CFAP47: variants seen among roughly 807,000 people sequenced by gnomAD.
The protein encoded by CFAP47 is cilia- and flagella-associated protein 47.
A neutral mutation model predicts 148.1 loss-of-function variants in CFAP47; 29 were observed. The ratio of observed to expected loss-of-function variants is 0.20; its 90% CI spans 0.15 to 0.27. The LOEUF (loss-of-function observed/expected upper bound fraction) is 0.27, where lower values mean the gene tolerates loss of function less well. Among genes scored for constraint, CFAP47 ranks in the 10% least tolerant of loss-of-function variants. The probability of loss-of-function intolerance (pLI) is 1.00; values close to 1 mark genes in which losing one functional copy is unlikely to be tolerated. For missense variants in CFAP47, 1,872 were observed against 1,697.5 expected (o/e 1.10, Z -1.81); for synonymous variants, 664 against 577.3 (o/e 1.15, Z -2.15).
chrX:35,947,476 A>G (rs993879918), intron 3 of CFAP47, among the ~76,000 whole-genome samples: 1 of 109,971 alleles, frequency 9.1e-6, no homozygotes, highest in African/African-American at 3.3e-5. Flanking sequence ...TTGGCTAATA[A>G]CATGTGGGTG....
At chrX:36,275,438 G>T (rs1327198761) in intron 49 of CFAP47, among the ~76,000 whole-genome samples, 2 of 109,284 alleles carry the variant, frequency 1.8e-5, no homozygotes, top group Non-Finnish European at 3.8e-5. Flanking sequence ...GTGTGTGTGT[G>T]TGTGTGTGTG....
chrX:36,077,293 T>C (rs1295606538), intron 29 of CFAP47, among the ~76,000 whole-genome samples: 2 of 102,730 alleles, frequency 1.9e-5, no homozygotes, highest in African/African-American at 7.0e-5. Flanking sequence ...TTTTTTTTTA[T>C]AATTCTTTGA....
At chrX:36,289,128 G>A (rs1941167043) in intron 51 of CFAP47, among the ~76,000 whole-genome samples, 1 of 106,569 alleles carries the variant, frequency 9.4e-6, no homozygotes, top group Non-Finnish European at 1.9e-5. Flanking sequence ...GGCCTCCTGA[G>A]TAGCTGGGAT....
chrX:36,243,647 G>GTATATATATATATA (rs58640112), intron 48 of CFAP47, among the ~76,000 whole-genome samples: 9 of 64,232 alleles, frequency 1.4e-4, no homozygotes, highest in Non-Finnish European at 3.1e-4. Context: ...ATATGTGTGT[G>GTATATATATATATA]TATATATATA....
At chrX:36,045,400 C>A (rs981198075) in intron 25 of CFAP47, among the ~76,000 whole-genome samples, 1 of 111,056 alleles carries the variant, frequency 9.0e-6, no homozygotes, top group African/African-American at 3.3e-5. Flanking sequence ...AAGTTTTGCC[C>A]CATAGCCACC....
chrX:35,947,227 T>C (rs1936096501), intron 3 of CFAP47, among the ~76,000 whole-genome samples: 1 of 110,489 alleles, frequency 9.1e-6, no homozygotes, highest in African/African-American at 3.3e-5. Context: ...ATTTTTTAAT[T>C]GGTCATGTGG....
At chrX:36,365,434 C>G (rs1301772632) in intron 61 of CFAP47, among the ~76,000 whole-genome samples, 1 of 110,324 alleles carries the variant, frequency 9.1e-6, no homozygotes, top group African/African-American at 3.3e-5. Context: ...GAGGAAAGTA[C>G]CAATAGTGGA....
At chrX:35,946,960 A>G (rs1160827687) in intron 3 of CFAP47, among the ~76,000 whole-genome samples, 1 of 111,770 alleles carries the variant, frequency 8.9e-6, no homozygotes, top group Admixed American at 9.5e-5. Context: ...ACCATAAATT[A>G]TGAACCATTT....
chrX:36,153,413 C>A, intron 37 of CFAP47, among the ~76,000 whole-genome samples: 1 of 112,260 alleles, frequency 8.9e-6, no homozygotes, highest in East Asian at 2.8e-4. Flanking sequence ...TGCCACAGCT[C>A]TGTGTCTGAG....
intron 33 of CFAP47, among the ~76,000 whole-genome samples, chrX:36,133,224 A>G (rs926145274): frequency 3.7e-4 from 41 of 111,384 alleles, no homozygotes; most frequent in African/African-American, 1.2e-3. Flanking sequence ...GCTCACAGAA[A>G]TGACTAAAGT....
At chrX:36,068,826 C>T (rs1294020452) in intron 27 of CFAP47, among the ~76,000 whole-genome samples, 3 of 108,570 alleles carry the variant, frequency 2.8e-5, no homozygotes, top group Non-Finnish European at 5.7e-5. Context: ...TATGGGGGCA[C>T]GTGCCTGTAA....
At chrX:36,112,313 A>G (rs1226540759) in intron 33 of CFAP47, among the ~76,000 whole-genome samples, 2 of 111,475 alleles carry the variant, frequency 1.8e-5, no homozygotes, top group Non-Finnish European at 3.8e-5. Flanking sequence ...CTTTTTTCTC[A>G]TTAGTTTCAA....
intron 33 of CFAP47, among the ~76,000 whole-genome samples, chrX:36,119,868 A>G (rs1938709347): frequency 9.0e-6 from 1 of 111,488 alleles, no homozygotes; most frequent in Non-Finnish European, 1.9e-5. Context: ...GTGTCTTCTA[A>G]TGATCTTTTG....
intron 22 of CFAP47, among the ~76,000 whole-genome samples, chrX:36,027,328 T>G (rs980897884): frequency 1.0e-4 from 11 of 109,010 alleles, no homozygotes; most frequent in Non-Finnish European, 1.9e-4. Flanking sequence ...TTTTCAACCC[T>G]CGCCATCTCA....
At position 36,285,678 on chromosome X, in the gene CFAP47, C is replaced by T. The variant is rs1167417030; in HGVS notation, c.7638C>T (p.Ser2546=). The change falls in exon 51 of 64, where the codon AGC becomes AGT. Residue 2546 remains serine (S), a synonymous_variant. Coordinates refer to ENST00000378653, the MANE Select transcript of CFAP47 (RefSeq NM_001304548.2). ...TCTGGTATAATCTTGAGATCCATAG[C>T]ACTCCTGGACCACCCATAGAGATTA... ...LRFWYNLEIH[S]TPGPPIEIME... The T allele has an allele frequency of 2.7e-6, 3 of 1,128,325 alleles. No individual in the cohort carries two copies. Among genetic ancestry groups the T allele is most frequent in the African/African-American group, 3.6e-5 (2 of 54,909 alleles). The allele number at this position is 1,128,325 out of a possible 1,213,427, so 93.0% of individuals were successfully genotyped here. A position where few individuals can be genotyped will look rare whatever the true frequency, so the allele number is the denominator to read the frequency against.
At chrX:36,361,546 T>G in intron 61 of CFAP47, 45 bp downstream of exon 61, 1 of 550,059 alleles carries the variant, frequency 1.8e-6, no homozygotes, top group Non-Finnish European at 2.7e-6. Context: ...AGTATTACCC[T>G]TTTAAATGTA....
At chrX:36,081,689 A>G (rs1937985536) in intron 29 of CFAP47, among the ~76,000 whole-genome samples, 1 of 111,788 alleles carries the variant, frequency 8.9e-6, no homozygotes, top group East Asian at 2.8e-4. Context: ...TTGATTCAAC[A>G]CACACTAATT....
At chrX:35,985,849 C>G (rs1936706835) in intron 15 of CFAP47, 1 of 251,302 alleles carries the variant, frequency 4.0e-6, no homozygotes, top group Non-Finnish European at 7.8e-6. Context: ...ATGCCAAACC[C>G]TCGGGGCTCT....
At chrX:36,324,663 A>G (rs1941503368) in intron 57 of CFAP47, among the ~76,000 whole-genome samples, 1 of 111,699 alleles carries the variant, frequency 9.0e-6, no homozygotes, top group African/African-American at 3.2e-5. Flanking sequence ...ATGTACAAAT[A>G]TATGTTATTG....
Sources: allele counts gnomAD v4.1 joint callset (sites outside exome capture counted in the v4.1 genomes callset), GRCh38; gene constraint gnomAD v4.1.1; transcripts MANE v1.5; gene names NCBI Gene and HGNC (gene_info 2026-07-23, HGNC 2026-07-21).